Variants in DNAJC15 observed in about 807,000 individuals in gnomAD.
DNAJC15 encodes the protein dnaJ homolog subfamily C member 15.
In DNAJC15, 27 loss-of-function variants were observed where a neutral mutation model predicts 22.4. The ratio of observed to expected loss-of-function variants is 1.20; its 90% confidence interval spans 0.89 to 1.66. DNAJC15 has a LOEUF of 1.66. Among genes scored for constraint, DNAJC15 ranks in the 40% most tolerant of loss-of-function variants. The pLI is 0.00. For synonymous variants in DNAJC15, 79 were observed against 63.2 expected (o/e 1.25, Z -1.19); for missense variants, 208 against 187.1 (o/e 1.11, Z -0.65).
intron 1 of DNAJC15, among the ~76,000 whole-genome samples, chr13:43,045,300 T>C (rs949349607): frequency 3.3e-5 from 5 of 152,196 alleles, no homozygotes; most frequent in Admixed American, 6.5e-5. Context: ...CACTTTAAAT[T>C]TGTTGCTCTT....
intron 5 of DNAJC15, among the ~76,000 whole-genome samples, chr13:43,100,734 C>A: frequency 6.6e-6 from 1 of 152,226 alleles, no homozygotes; most frequent in African/African-American, 2.4e-5. Flanking sequence ...AGAAAAATTG[C>A]GTATTCCATT....
chr13:43,041,826 C>T (rs777589950), intron 1 of DNAJC15, among the ~76,000 whole-genome samples: 1 of 152,246 alleles, frequency 6.6e-6, no homozygotes, highest in African/African-American at 2.4e-5. Context: ...TTTATTTAGC[C>T]TATGCTATAT....
chr13:43,056,042 A>C (rs750824376), intron 1 of DNAJC15, among the ~76,000 whole-genome samples: 1 of 151,922 alleles, frequency 6.6e-6, no homozygotes, highest in Non-Finnish European at 1.5e-5. Flanking sequence ...ATGTATTTGC[A>C]TGGTTTTGAG....
chr13:43,111,002 GGGCCTAGGAA>G lies in DNAJC15; in HGVS notation c.*3760_*3769del, dbSNP rs1268983906. 1.3e-5 allele frequency: 2 copies of G among 152,200 alleles called. No homozygotes were observed. Among genetic ancestry groups the G allele is most frequent in the African/African-American group, 4.8e-5 (2 of 41,444 alleles). 9.4% of individuals were successfully genotyped at this position (152,200 alleles called of 1,614,324 possible). On this transcript the variant is annotated 3_prime_UTR_variant, in exon 6 of 6. Transcript: ENST00000379221. Reference sequence around the variant, plus strand: ...TACTTACATCTTAGATGCAATCTGAGGGCCTAGGAAGGCCTTTTAAAAATAAAACAATTCC... The same window carrying G: ...TACTTACATCTTAGATGCAATCTGAGGGCCTTTTAAAAATAAAACAATTCC...
chr13:43,069,022 T>C lies in DNAJC15; in HGVS notation c.234+19T>C. ...AACTCCTGTAAGTTAAACGTGGCTT[T>C]AGTTAGAAGACTCATTTTGATTTTT... On this transcript the variant is annotated intron_variant, in intron 3 of 5. Transcript: ENST00000379221. 6.2e-7 allele frequency: 1 copy of C among 1,604,034 alleles called. No homozygotes were observed. Among genetic ancestry groups the C allele is most frequent in the Non-Finnish European group, 8.5e-7 (1 of 1,174,854 alleles).
rs2040823250 is a variant in DNAJC15 at position 43,111,215 on chromosome 13, A to G, written c.*3967A>G. ...TAGTCTTCAAAGCACTTTACTTTTT[A>G]TGAAATATATTTTAGACATTCAGCA... On this transcript the variant is annotated 3_prime_UTR_variant, in exon 6 of 6. Transcript: ENST00000379221. 2 of 152,226 alleles carry G rather than the reference A, an allele frequency of 1.3e-5. No homozygotes were observed. Among genetic ancestry groups the G allele is most frequent in the African/African-American group, 4.8e-5 (2 of 41,460 alleles). 9.4% of individuals were successfully genotyped at this position (152,226 alleles called of 1,614,324 possible). A position where few individuals can be genotyped will look rare whatever the true frequency, so the allele number is the denominator to read the frequency against.
intron 1 of DNAJC15, among the ~76,000 whole-genome samples, chr13:43,050,407 G>A (rs1051766035): frequency 6.6e-6 from 1 of 151,934 alleles, no homozygotes; most frequent in African/African-American, 2.4e-5. Flanking sequence ...CTGGGCTCAA[G>A]CAATCCTTCC....
chr13:43,083,868 A>C (rs1467151175), intron 4 of DNAJC15, among the ~76,000 whole-genome samples: 1 of 152,190 alleles, frequency 6.6e-6, no homozygotes, highest in Non-Finnish European at 1.5e-5. Flanking sequence ...ACATAGGTAA[A>C]CAGCCAAGAG....
rs563945278 is a variant in DNAJC15, at chr13:43,063,158, C to T, written c.109-2528C>T. 9.7e-4 allele frequency among the ~76,000 whole-genome samples: 148 copies of T among 152,154 alleles called. 1 individual carries two copies. The highest frequency in any genetic ancestry group is 3.4e-3 in the African/African-American group (141 of 41,510). On this transcript the variant is annotated intron_variant, in intron 1 of 5. Transcript: ENST00000379221. ...CTGAGTAGCTGGGATTACAGGCACA[C>T]GCTCCCATGCCCAGCTAATTTTTGT... is the stretch of plus-strand genomic sequence containing the variant.
At chr13:43,083,741 A>G (rs1229025503) in intron 4 of DNAJC15, among the ~76,000 whole-genome samples, 2 of 152,176 alleles carry the variant, frequency 1.3e-5, no homozygotes, top group Admixed American at 6.5e-5. Context: ...TACCTCTGGT[A>G]TGATGTTTAA....
chr13:43,091,632 A>G (rs1342041416), intron 5 of DNAJC15, among the ~76,000 whole-genome samples: 1 of 152,142 alleles, frequency 6.6e-6, no homozygotes, highest in East Asian at 1.9e-4. Context: ...CTGTTTATAA[A>G]ATAATTTTTT....
At chr13:43,032,172 G>C (rs986014665) in intron 1 of DNAJC15, among the ~76,000 whole-genome samples, 1 of 152,180 alleles carries the variant, frequency 6.6e-6, no homozygotes, top group Non-Finnish European at 1.5e-5. Flanking sequence ...TTTCTTCCTT[G>C]TTTTCACTGT....
Position 43,107,177 on chromosome 13 carries a change from G to T in DNAJC15, c.383-1G>T. ...TAATTCATTTTTCTTTGTTCTCTCA[G>T]GTGGATCTCCTTACGTAGCAGCCAA... On this transcript the variant is annotated splice_acceptor_variant, in intron 5 of 5. Transcript: ENST00000379221. LOFTEE classifies it high-confidence loss of function. 6.4e-7 allele frequency: 1 copy of T among 1,566,852 alleles called. No homozygotes were observed. The highest frequency in any genetic ancestry group is 8.6e-7 in the Non-Finnish European group (1 of 1,161,334).
chr13:43,097,261 A>G (rs747983069), intron 5 of DNAJC15, among the ~76,000 whole-genome samples: 1 of 152,220 alleles, frequency 6.6e-6, no homozygotes, highest in African/African-American at 2.4e-5. Flanking sequence ...TGCAAAATGA[A>G]GAAAGAATAT....
chr13:43,053,176 T>C (rs1397447416), intron 1 of DNAJC15, among the ~76,000 whole-genome samples: 1 of 152,226 alleles, frequency 6.6e-6, no homozygotes, highest in Non-Finnish European at 1.5e-5. Flanking sequence ...CCCCACTTTA[T>C]GTTTTTATTT....
At chr13:43,028,606 G>A (rs532172411) in intron 1 of DNAJC15, among the ~76,000 whole-genome samples, 63 of 152,208 alleles carry the variant, frequency 4.1e-4, no homozygotes, top group African/African-American at 1.4e-3. Flanking sequence ...GACTCTTCAT[G>A]TACTGATCCT....
intron 1 of DNAJC15, among the ~76,000 whole-genome samples, chr13:43,043,233 C>T (rs546364495): frequency 6.6e-6 from 1 of 152,156 alleles, no homozygotes; most frequent in Non-Finnish European, 1.5e-5. Context: ...TCAGCCTCCC[C>T]AGTAGCTGGG....
At chr13:43,041,839 C>T (rs968957217) in intron 1 of DNAJC15, among the ~76,000 whole-genome samples, 4 of 152,170 alleles carry the variant, frequency 2.6e-5, no homozygotes, top group Non-Finnish European at 5.9e-5. Context: ...TGCTATATAC[C>T]GGGAATACAA....
At chr13:43,056,317 T>C (rs1406863680) in intron 1 of DNAJC15, among the ~76,000 whole-genome samples, 1 of 152,100 alleles carries the variant, frequency 6.6e-6, no homozygotes, top group Non-Finnish European at 1.5e-5. Flanking sequence ...TTTGTATTTT[T>C]AGTAGAGACA....
Sources: allele counts gnomAD v4.1 joint callset (sites outside exome capture counted in the v4.1 genomes callset), GRCh38; gene constraint gnomAD v4.1.1; transcripts MANE v1.5; gene names NCBI Gene and HGNC (gene_info 2026-07-23, HGNC 2026-07-21).